The following DHRSX variants were observed in gnomAD, a reference collection of about 807,000 sequenced individuals.
The protein encoded by DHRSX is polyprenol dehydrogenase.
A neutral mutation model predicts 34.0 loss-of-function variants in DHRSX; 31 were observed. That is an observed-to-expected ratio of 0.91 (90% confidence interval 0.69 to 1.23). The LOEUF (loss-of-function observed/expected upper bound fraction) is 1.23. DHRSX is among the 50% of genes most tolerant of loss of function. The pLI is 0.00. For missense variants in DHRSX, 414 were observed against 428.1 expected (o/e 0.97, Z 0.29); for synonymous variants, 201 against 183.8 (o/e 1.09, Z -0.76).
chrX:2,322,137 C>G (rs749521907), intron 3 of DHRSX, among the ~76,000 whole-genome samples: 8 of 149,132 alleles, frequency 5.4e-5, no homozygotes, highest in African/African-American at 1.5e-4. Context: ...CTCTTCCCCC[C>G]CAAGACCCCA....
intron 2 of DHRSX, among the ~76,000 whole-genome samples, chrX:2,419,253 T>C (rs1392683141): frequency 6.6e-6 from 1 of 152,020 alleles, no homozygotes. Context: ...CCCATCCAGG[T>C]TCCACCATGT....
chrX:2,224,732 GCA>G (rs1162640538), intron 6 of DHRSX, among the ~76,000 whole-genome samples: 7 of 151,790 alleles, frequency 4.6e-5, no homozygotes, highest in Admixed American at 2.0e-4. Flanking sequence ...TCATGCATAC[GCA>G]CACACACATG....
At chrX:2,462,465 G>A (rs1352163147) in intron 1 of DHRSX, among the ~76,000 whole-genome samples, 1 of 152,082 alleles carries the variant, frequency 6.6e-6, no homozygotes, top group Non-Finnish European at 1.5e-5. Context: ...AACCTGGGAG[G>A]TGGAGGTTGC....
intron 3 of DHRSX, among the ~76,000 whole-genome samples, chrX:2,344,914 T>TATATATATAC: frequency 8.1e-6 from 1 of 122,790 alleles, no homozygotes; most frequent in East Asian, 2.4e-4. Flanking sequence ...TATATATATA[T>TATATATATAC]ACTGTATTTA....
chrX:2,451,005 C>T (rs1024776530), intron 1 of DHRSX, among the ~76,000 whole-genome samples: 47 of 152,088 alleles, frequency 3.1e-4, no homozygotes, highest in African/African-American at 1.1e-3. Flanking sequence ...GAAGTGGGTC[C>T]CCACCAGACA....
At chrX:2,489,484 C>T (rs770325901) in intron 1 of DHRSX, 8 of 1,613,686 alleles carry the variant, frequency 5.0e-6, no homozygotes, top group Non-Finnish European at 5.9e-6. Flanking sequence ...ACCTGGAGGC[C>T]GACAGCATCT....
chrX:2,339,101 T>C (rs1277314689), intron 3 of DHRSX, among the ~76,000 whole-genome samples: 1 of 152,058 alleles, frequency 6.6e-6, no homozygotes, highest in Admixed American at 6.6e-5. Flanking sequence ...CCATAACTTA[T>C]TGGGTTACAG....
intron 3 of DHRSX, among the ~76,000 whole-genome samples, chrX:2,346,142 A>G (rs752563508): frequency 1.8e-4 from 28 of 152,202 alleles, no homozygotes; most frequent in African/African-American, 6.7e-4. Flanking sequence ...ACTCTCTAAA[A>G]TTTAACTCAA....
intron 3 of DHRSX, among the ~76,000 whole-genome samples, chrX:2,391,444 C>T (rs147204372): frequency 1.8e-3 from 269 of 152,240 alleles, no homozygotes; most frequent in African/African-American, 5.7e-3. Context: ...AGATTTAAGA[C>T]GCAGCCAAGA....
chrX:2,438,388 G>A (rs896303381), intron 1 of DHRSX, among the ~76,000 whole-genome samples: 2 of 150,398 alleles, frequency 1.3e-5, no homozygotes, highest in Non-Finnish European at 3.0e-5. Context: ...ACTGCAAACC[G>A]GCCACGTGCA....
At chrX:2,492,472 C>T (rs1241960240) in intron 1 of DHRSX, among the ~76,000 whole-genome samples, 3 of 151,072 alleles carry the variant, frequency 2.0e-5, no homozygotes, top group Non-Finnish European at 1.5e-5. Context: ...AACAGTGGCC[C>T]GCAGAAAGAT....
chrX:2,454,473 G>C (rs2088171141), intron 1 of DHRSX, among the ~76,000 whole-genome samples: 1 of 151,232 alleles, frequency 6.6e-6, no homozygotes, highest in African/African-American at 2.4e-5. Context: ...GCTGCAGTGA[G>C]CCGAGATTGA....
At position 2,485,232 on chromosome X, in the gene DHRSX, C is replaced by G. The variant is rs746606673; in HGVS notation, c.109+15585G>C. ...GAAACCCTCAAGGACTAGAATTACT[C>G]CTAATGGGAAAAACGTGTAAACATG... On this transcript the variant is annotated intron_variant, in intron 1 of 6. Transcript: ENST00000334651. Among the ~76,000 whole-genome samples the G allele has an allele frequency of 4.7e-4, 71 of 152,200 alleles. No homozygotes were observed. The Middle Eastern group carries it at 0.01, about 22-fold the overall frequency.
intron 6 of DHRSX, among the ~76,000 whole-genome samples, chrX:2,233,141 C>T (rs142029237): frequency 0.028 from 4,335 of 152,194 alleles, 95 homozygotes; most frequent in Middle Eastern, 0.048. Flanking sequence ...CCTATCTGGC[C>T]GACCTCCTGT....
intron 1 of DHRSX, among the ~76,000 whole-genome samples, chrX:2,469,732 G>A (rs1171599621): frequency 6.6e-6 from 1 of 151,468 alleles, no homozygotes; most frequent in African/African-American, 2.4e-5. Flanking sequence ...TGTTCCCTAA[G>A]CATATAGCCA....
At chrX:2,466,394 C>G (rs1248786809) in intron 1 of DHRSX, among the ~76,000 whole-genome samples, 1 of 146,284 alleles carries the variant, frequency 6.8e-6, no homozygotes, top group Admixed American at 6.6e-5. Flanking sequence ...GCTGAGATCA[C>G]ACCACTGCAC....
In DHRSX at chrX:2,325,504, G is replaced by A. The variant is rs187248960; in HGVS notation, c.287-33901C>T. 2.9e-3 allele frequency among the ~76,000 whole-genome samples: 447 copies of A among 152,276 alleles called. 6 individuals are homozygous for A. The highest frequency in any genetic ancestry group is 9.6e-3 in the African/African-American group (400 of 41,576). Reference sequence around the variant, plus strand: ...CTCCTCTTTGTCAGCCACATGTAAAGTAAGAAAAACAGGACCGAGAGCCCC... The same window carrying A: ...CTCCTCTTTGTCAGCCACATGTAAAATAAGAAAAACAGGACCGAGAGCCCC... On this transcript the variant is annotated intron_variant, in intron 3 of 6. Transcript: ENST00000334651.
intron 3 of DHRSX, among the ~76,000 whole-genome samples, chrX:2,346,287 G>C (rs1169247291): frequency 6.6e-6 from 1 of 152,262 alleles, no homozygotes; most frequent in East Asian, 1.9e-4. Flanking sequence ...CCCTGACTGT[G>C]AATCTCTTAG....
At chrX:2,460,107 TCAAA>T (rs755904173) in intron 1 of DHRSX, among the ~76,000 whole-genome samples, 68 of 152,028 alleles carry the variant, frequency 4.5e-4, no homozygotes, top group African/African-American at 1.2e-3. Flanking sequence ...ATAATCCTTC[TCAAA>T]CAAACAAACA....
Sources: gnomAD v4.1 joint callset for allele counts (sites outside exome capture counted in the v4.1 genomes callset) on GRCh38, gnomAD v4.1.1 for gene constraint, MANE v1.5 for transcripts, NCBI Gene and HGNC (gene_info 2026-07-23, HGNC 2026-07-21) for gene names.